Variants in MUSK observed in about 807,000 individuals in gnomAD.
MUSK encodes muscle, skeletal receptor tyrosine-protein kinase.
MUSK carries 55 observed loss-of-function variants against 88.7 expected under a neutral mutation model. The observed-to-expected ratio is 0.62, with a 90% CI of 0.50 to 0.78. MUSK has a LOEUF of 0.78. MUSK is among the 30% of genes least tolerant of loss of function. The pLI, the probability that MUSK is intolerant of heterozygous loss-of-function variation, is 0.00. For missense variants in MUSK, 1,015 were observed against 1,074.3 expected, an observed-to-expected ratio of 0.94 and a Z score of 0.77; for synonymous variants, 387 against 391.9, an observed-to-expected ratio of 0.99 and a Z score of 0.15.
At chr9:110,721,446 G>A (rs1312573397) in intron 5 of MUSK, among the ~76,000 whole-genome samples, 1 of 152,022 alleles carries the variant, frequency 6.6e-6, no homozygotes, top group African/African-American at 2.4e-5. Flanking sequence ...TACAGCAACA[G>A]TGACCAAGCT....
chr9:110,672,925 A>G (rs1191490605), intron 1 of MUSK, among the ~76,000 whole-genome samples: 5 of 152,196 alleles, frequency 3.3e-5, no homozygotes, highest in Non-Finnish European at 5.9e-5. Context: ...CTTCGGGTCC[A>G]GAAAAGGATT....
At chr9:110,778,489 G>A (rs921044345) in intron 11 of MUSK, among the ~76,000 whole-genome samples, 27 of 151,980 alleles carry the variant, frequency 1.8e-4, no homozygotes, top group African/African-American at 5.8e-4. Flanking sequence ...ACATATACAT[G>A]GAGAATAAAG....
intron 5 of MUSK, among the ~76,000 whole-genome samples, chr9:110,719,990 T>C (rs973455345): frequency 3.9e-5 from 6 of 152,086 alleles, no homozygotes; most frequent in African/African-American, 1.4e-4. Context: ...TCCTGAATGA[T>C]TGTTGGGTCA....
intron 3 of MUSK, among the ~76,000 whole-genome samples, chr9:110,689,806 A>ATAACTATATATTTAAATATATAAATATG (rs1554735563): frequency 0.16 from 12,888 of 82,640 alleles, 1,439 homozygotes; most frequent in Middle Eastern, 0.37. Context: ...TATATAATAT[A>ATAACTATATATTTAAATATATAAATATG]TAACTATATA....
At chr9:110,762,156 C>A in intron 7 of MUSK, 46 bp from the exon 8 acceptor site, 1 of 1,370,312 alleles carries the variant, frequency 7.3e-7, no homozygotes, top group South Asian at 1.9e-5. Context: ...TCTTTCTTTT[C>A]TCCTTTAATT....
At position 110,801,287 on chromosome 9, in the gene MUSK, G is replaced by A; in HGVS notation, c.*299G>A. 4.1e-6 allele frequency: 1 copy of A among 244,138 alleles called. No individual in the cohort carries two copies. 15.1% of individuals were successfully genotyped at this position (244,138 alleles called of 1,614,324 possible). A position where few individuals can be genotyped will look rare whatever the true frequency, so the allele number is the denominator to read the frequency against. On this transcript the variant is annotated 3_prime_UTR_variant, in exon 15 of 15. Coordinates refer to ENST00000374448, the MANE Select transcript of MUSK (RefSeq NM_005592.4). ...ACAGGGAAGAATGTCATCCTGTTCA[G>A]TTTCCAAAGTAGCTGGTCACAGAGT...
intron 1 of MUSK, among the ~76,000 whole-genome samples, chr9:110,670,129 C>T (rs766182256): frequency 5.3e-5 from 8 of 152,070 alleles, no homozygotes; most frequent in Non-Finnish European, 8.8e-5. Flanking sequence ...TGTTGCTTCT[C>T]TTTTTCCATT....
chr9:110,775,667 C>A, intron 9 of MUSK, 121 bp from the exon 10 acceptor site: 1 of 885,988 alleles, frequency 1.1e-6, no homozygotes, highest in African/African-American at 1.7e-5. Context: ...TTCATAAACG[C>A]GCTTTTTTCA....
At chr9:110,698,440 G>T (rs550744348) in intron 5 of MUSK, among the ~76,000 whole-genome samples, 9 of 152,274 alleles carry the variant, frequency 5.9e-5, no homozygotes, top group African/African-American at 2.2e-4. Context: ...ATCAGGAAAA[G>T]ACTTGAAGAG....
chr9:110,749,797 G>C (rs572428375), intron 7 of MUSK, among the ~76,000 whole-genome samples: 22 of 150,474 alleles, frequency 1.5e-4, no homozygotes, highest in African/African-American at 5.4e-4. Flanking sequence ...GAAAATGGCA[G>C]TGGGCTAGAA....
intron 5 of MUSK, among the ~76,000 whole-genome samples, chr9:110,720,556 T>C (rs2076797899): frequency 6.6e-6 from 1 of 151,912 alleles, no homozygotes; most frequent in South Asian, 2.1e-4. Context: ...ATGTAGAAAC[T>C]CTGAGCAGAC....
intron 9 of MUSK, among the ~76,000 whole-genome samples, chr9:110,774,043 TTTGA>T (rs1329001647): frequency 6.6e-6 from 1 of 152,142 alleles, no homozygotes; most frequent in Non-Finnish European, 1.5e-5. Flanking sequence ...ATACCACATC[TTTGA>T]TTATTTTCTA....
intron 5 of MUSK, chr9:110,706,177 A>G (rs1398449509): frequency 2.1e-6 from 1 of 478,658 alleles, no homozygotes; most frequent in Admixed American, 2.4e-5. Flanking sequence ...TGATAAAACA[A>G]AAATAAATCA....
At chr9:110,747,518 G>A (rs2077188186) in intron 6 of MUSK, 123 bp from the exon 7 acceptor site, 2 of 976,636 alleles carry the variant, frequency 2.0e-6, no homozygotes, top group Admixed American at 4.6e-5. Flanking sequence ...AAATCTTTTG[G>A]CTATGTTTGC....
intron 14 of MUSK, among the ~76,000 whole-genome samples, chr9:110,799,258 C>A (rs780771099): frequency 7.9e-5 from 12 of 152,146 alleles, no homozygotes; most frequent in Non-Finnish European, 1.5e-4. Context: ...CCTGAAAAAA[C>A]CCAATAGATC....
At chr9:110,774,864 T>TACACACAC (rs1463701130) in intron 9 of MUSK, among the ~76,000 whole-genome samples, 30 of 99,428 alleles carry the variant, frequency 3.0e-4, no homozygotes, top group African/African-American at 7.6e-4. Flanking sequence ...GTGGCATATA[T>TACACACAC]ATACACACAC....
chr9:110,769,391 A>G (rs573151317), intron 9 of MUSK, among the ~76,000 whole-genome samples: 1 of 152,232 alleles, frequency 6.6e-6, no homozygotes, highest in South Asian at 2.1e-4. Context: ...AGAAGATTGT[A>G]TTGTGATCAG....
intron 5 of MUSK, among the ~76,000 whole-genome samples, chr9:110,726,971 A>C (rs955973995): frequency 2.0e-5 from 3 of 152,088 alleles, no homozygotes; most frequent in African/African-American, 7.2e-5. Context: ...TTTAAATATG[A>C]AAGAAACTAA....
intron 11 of MUSK, among the ~76,000 whole-genome samples, chr9:110,781,107 A>T (rs1396299827): frequency 6.6e-6 from 1 of 152,054 alleles, no homozygotes; most frequent in East Asian, 1.9e-4. Flanking sequence ...CAACAATGAA[A>T]CTTCTAGGTG....
Sources: gnomAD v4.1 joint callset for allele counts (sites outside exome capture counted in the v4.1 genomes callset) on GRCh38, gnomAD v4.1.1 for gene constraint, MANE v1.5 for transcripts, NCBI Gene and HGNC (gene_info 2026-07-23, HGNC 2026-07-21) for gene names.